Variants in SMURF2 observed in about 807,000 individuals in gnomAD.
The protein encoded by SMURF2 is SMAD specific E3 ubiquitin protein ligase 2, also known as E3 ubiquitin-protein ligase SMURF2.
A neutral mutation model predicts 109.6 loss-of-function variants in SMURF2; 48 were observed. That is an observed-to-expected ratio of 0.44 (90% confidence interval 0.35 to 0.56). The LOEUF (loss-of-function observed/expected upper bound fraction) is 0.56, where lower values mean the gene tolerates loss of function less well. SMURF2 is among the 20% of genes least tolerant of loss of function. SMURF2 has a pLI of 0.01. For missense variants in SMURF2, 575 were observed against 909.0 expected (o/e 0.63, Z 4.72); for synonymous variants, 288 against 317.1 (o/e 0.91, Z 0.97).
intron 10 of SMURF2, among the ~76,000 whole-genome samples, chr17:64,566,780 C>T (rs1969318977): frequency 6.6e-6 from 1 of 150,604 alleles, no homozygotes; most frequent in Non-Finnish European, 1.5e-5. Context: ...CCATATTGGC[C>T]AGGCTGGTCT....
chr17:64,636,381 T>A (rs1181969811), intron 1 of SMURF2, among the ~76,000 whole-genome samples: 1 of 152,064 alleles, frequency 6.6e-6, no homozygotes, highest in Admixed American at 6.6e-5. Context: ...GGTTGGTGGA[T>A]CACCTGAGAT....
At chr17:64,613,746 A>AG (rs1280814281) in intron 1 of SMURF2, among the ~76,000 whole-genome samples, 1 of 30,364 alleles carries the variant, frequency 3.3e-5, no homozygotes, top group African/African-American at 1.2e-4. Flanking sequence ...GTGTGTGTGG[A>AG]GGGGGGGCAG....
At chr17:64,623,862 C>CCAAT (rs1374079357) in intron 1 of SMURF2, among the ~76,000 whole-genome samples, 2 of 152,202 alleles carry the variant, frequency 1.3e-5, no homozygotes, top group Non-Finnish European at 1.5e-5. Flanking sequence ...CTAAACCCTA[C>CCAAT]CAATATTCCT....
chr17:64,658,254 G>A (rs1970730599), intron 1 of SMURF2, among the ~76,000 whole-genome samples: 1 of 152,164 alleles, frequency 6.6e-6, no homozygotes, highest in Admixed American at 6.6e-5. Context: ...CTACTCGGGA[G>A]GCTGAGGCAG....
chr17:64,620,254 A>C (rs1970184182), intron 1 of SMURF2, among the ~76,000 whole-genome samples: 1 of 152,236 alleles, frequency 6.6e-6, no homozygotes, highest in South Asian at 2.1e-4. Context: ...CAATGTGCCA[A>C]AAAACTTCTA....
At position 64,547,367 on chromosome 17, in the gene SMURF2, C is replaced by T. The variant is rs1046162233; in HGVS notation, c.2071+233G>A. Among the ~76,000 whole-genome samples the T allele has an allele frequency of 1.3e-5, 2 of 152,132 alleles. No individual in the cohort carries two copies. Among genetic ancestry groups the T allele is most frequent in the Non-Finnish European group, 2.9e-5 (2 of 68,040 alleles). On this transcript the variant is annotated intron_variant, in intron 17 of 18. Transcript: ENST00000262435. The surrounding 1 kb of genome is among the most constrained non-coding windows in gnomAD (Gnocchi z 4.2). ...AGAAAACAAAGGCAGAGCATCACCA[C>T]GTACGGTCTCTAGCATGCGGCACTC...
chr17:64,561,483 G>A lies in SMURF2; in HGVS notation c.1316+17C>T, dbSNP rs1555684508. ...TACAAAGATCCATATGTCATAAGCT[G>A]GCAAGCAAGTCCATACCTGGCAACG... is the stretch of plus-strand genomic sequence containing the variant. On this transcript the variant is annotated intron_variant, in intron 12 of 18. Transcript: ENST00000262435. 1 of 1,553,544 alleles carries A rather than the reference G, an allele frequency of 6.4e-7. No individual in the cohort carries two copies. The highest frequency in any genetic ancestry group is 1.4e-5 in the African/African-American group (1 of 73,510).
intron 1 of SMURF2, among the ~76,000 whole-genome samples, chr17:64,620,278 C>T (rs1555690525): frequency 6.6e-6 from 1 of 152,144 alleles, no homozygotes; most frequent in East Asian, 1.9e-4. Context: ...AGATTGTTTT[C>T]TTTAACCCCT....
At chr17:64,608,598 GTAA>G (rs2144678393) in intron 1 of SMURF2, among the ~76,000 whole-genome samples, 1 of 152,278 alleles carries the variant, frequency 6.6e-6, no homozygotes, top group African/African-American at 2.4e-5. Flanking sequence ...TTTTAATGAG[GTAA>G]TGATGATTTT....
At chr17:64,616,072 C>CA (rs1418024592) in intron 1 of SMURF2, among the ~76,000 whole-genome samples, 1 of 152,124 alleles carries the variant, frequency 6.6e-6, no homozygotes, top group East Asian at 1.9e-4. Flanking sequence ...TCAAGTGATC[C>CA]ACCTGCCTCG....
At chr17:64,632,338 T>C (rs980314240) in intron 1 of SMURF2, among the ~76,000 whole-genome samples, 18 of 152,308 alleles carry the variant, frequency 1.2e-4, no homozygotes, top group African/African-American at 3.6e-4. Flanking sequence ...CACAAATTTA[T>C]ACATTAGCTC....
intron 1 of SMURF2, among the ~76,000 whole-genome samples, chr17:64,633,290 A>T (rs1369654238): frequency 6.6e-6 from 1 of 152,196 alleles, no homozygotes; most frequent in Non-Finnish European, 1.5e-5. Context: ...CAAAACAAAA[A>T]AACAGATCTC....
chr17:64,589,957 G>C (rs1969726862), intron 5 of SMURF2, among the ~76,000 whole-genome samples: 1 of 151,886 alleles, frequency 6.6e-6, no homozygotes, highest in South Asian at 2.1e-4. Flanking sequence ...ATACTTCCCT[G>C]GGATAACCAC....
At chr17:64,644,430 GAA>G (rs113026393) in intron 1 of SMURF2, among the ~76,000 whole-genome samples, 5,346 of 114,778 alleles carry the variant, frequency 0.047, 335 homozygotes, top group African/African-American at 0.15. Flanking sequence ...ACTAAAAATA[GAA>G]AAAAAAAAAA....
At chr17:64,661,140 G>A (rs1970769615) in intron 1 of SMURF2, among the ~76,000 whole-genome samples, 1 of 152,062 alleles carries the variant, frequency 6.6e-6, no homozygotes, top group African/African-American at 2.4e-5. Context: ...AAGTTCTGCG[G>A]CCTAAAAGGA....
intron 1 of SMURF2, among the ~76,000 whole-genome samples, chr17:64,621,614 G>A (rs1483402367): frequency 2.7e-5 from 4 of 150,896 alleles, no homozygotes; most frequent in African/African-American, 9.8e-5. Flanking sequence ...GGTGGTTCAT[G>A]CCTGTAATCC....
intron 6 of SMURF2, 100 bp downstream of exon 6, chr17:64,585,986 G>T: frequency 3.2e-6 from 2 of 626,682 alleles, no homozygotes; most frequent in Non-Finnish European, 5.1e-6. Flanking sequence ...TTCAATATAC[G>T]ATAAACACCA....
chr17:64,566,575 T>TTTTTTTTTTG (rs1969311905), intron 10 of SMURF2, among the ~76,000 whole-genome samples: 4 of 103,264 alleles, frequency 3.9e-5, no homozygotes, highest in African/African-American at 1.4e-4. Context: ...TTTTTTTTTT[T>TTTTTTTTTTG]TTTTTTTTTT....
chr17:64,550,353 G>A (rs573441499), intron 16 of SMURF2, among the ~76,000 whole-genome samples: 7 of 152,228 alleles, frequency 4.6e-5, no homozygotes, highest in South Asian at 2.1e-4. Context: ...ATTAAACCTC[G>A]TGTTTTTTAG....
Sources: gnomAD v4.1 joint callset for allele counts (sites outside exome capture counted in the v4.1 genomes callset) on GRCh38, gnomAD v4.1.1 for gene constraint, Gnocchi (gnomAD v3.1) non-coding constraint, MANE v1.5 for transcripts, NCBI Gene and HGNC (gene_info 2026-07-23, HGNC 2026-07-21) for gene names.